Variants in STK32A observed in about 807,000 individuals in gnomAD.
STK32A encodes serine/threonine kinase 32A.
Under a neutral mutation model 53.2 loss-of-function variants are expected in STK32A, and 41 were observed. That is an observed-to-expected ratio of 0.77 (90% CI 0.60 to 1.00). The LOEUF (loss-of-function observed/expected upper bound fraction) is 1.00. Ranked by LOEUF, STK32A falls within the 50% of genes least tolerant of loss-of-function variation. STK32A has a pLI of 0.00. For synonymous variants in STK32A, 166 were observed against 162.8 expected (o/e 1.02, Z -0.15); for missense variants, 458 against 485.8 (o/e 0.94, Z 0.54).
intron 2 of STK32A, among the ~76,000 whole-genome samples, chr5:147,260,832 A>G (rs1431841198): frequency 1.3e-5 from 2 of 152,220 alleles, no homozygotes; most frequent in East Asian, 1.9e-4. Context: ...TCCGTCCAGC[A>G]GTAGGATGTC....
chr5:147,249,259 C>A (rs893631285), intron 2 of STK32A, among the ~76,000 whole-genome samples: 1 of 151,752 alleles, frequency 6.6e-6, no homozygotes, highest in Non-Finnish European at 1.5e-5. Flanking sequence ...CCTCTCTGAT[C>A]CCCCATTTTC....
chr5:147,311,387 C>T (rs933386032), intron 4 of STK32A, among the ~76,000 whole-genome samples: 1 of 152,114 alleles, frequency 6.6e-6, no homozygotes. Context: ...GTAAAATGAC[C>T]ATCGAATGAA....
At chr5:147,277,945 A>G (rs899572940) in intron 2 of STK32A, among the ~76,000 whole-genome samples, 179 bp from the exon 3 acceptor site, 22 of 152,202 alleles carry the variant, frequency 1.4e-4, no homozygotes, top group Admixed American at 1.0e-3. Flanking sequence ...ACTAAGCACT[A>G]GGATTAATAC....
chr5:147,382,991 G>A, intron 11 of STK32A: 1 of 159,240 alleles, frequency 6.3e-6, no homozygotes, highest in South Asian at 1.9e-4. Context: ...GGAGAACACA[G>A]TTCTTGCTTT....
intron 4 of STK32A, among the ~76,000 whole-genome samples, chr5:147,282,227 G>T (rs1166470086): frequency 1.3e-5 from 2 of 152,054 alleles, no homozygotes; most frequent in African/African-American, 4.8e-5. Context: ...AAAAAAATCT[G>T]CAGGACCCAG....
At chr5:147,347,844 G>A (rs898799184) in intron 6 of STK32A, among the ~76,000 whole-genome samples, 5 of 152,158 alleles carry the variant, frequency 3.3e-5, no homozygotes, top group African/African-American at 9.7e-5. Context: ...GCTGTAGCCG[G>A]ACCTGGGACT....
intron 11 of STK32A, among the ~76,000 whole-genome samples, chr5:147,382,094 A>G (rs999781964): frequency 6.6e-6 from 1 of 152,186 alleles, no homozygotes; most frequent in Admixed American, 6.5e-5. Flanking sequence ...CAAGCTTGCT[A>G]TAGGCTCTGT....
chr5:147,318,698 C>T (rs552888235), intron 4 of STK32A, among the ~76,000 whole-genome samples: 2 of 151,288 alleles, frequency 1.3e-5, no homozygotes, highest in South Asian at 4.2e-4. Flanking sequence ...ATCATTTGAA[C>T]CTGGGATGTC....
chr5:147,269,456 C>T (rs1478813964), intron 2 of STK32A, among the ~76,000 whole-genome samples: 1 of 152,196 alleles, frequency 6.6e-6, no homozygotes, highest in Non-Finnish European at 1.5e-5. Context: ...ATGAAATCCT[C>T]TCTGGACTGG....
At chr5:147,314,729 G>T (rs1305306539) in intron 4 of STK32A, among the ~76,000 whole-genome samples, 2 of 142,470 alleles carry the variant, frequency 1.4e-5, no homozygotes, top group African/African-American at 5.3e-5. Context: ...CATACCTATT[G>T]CTTTCTTTTT....
chr5:147,361,904 G>C (rs956016705), intron 8 of STK32A, among the ~76,000 whole-genome samples: 4 of 152,154 alleles, frequency 2.6e-5, no homozygotes, highest in African/African-American at 9.7e-5. Flanking sequence ...TAAATATCTT[G>C]TGTAAATATC....
intron 8 of STK32A, among the ~76,000 whole-genome samples, chr5:147,369,163 C>G (rs768432373): frequency 1.3e-5 from 2 of 152,028 alleles, no homozygotes; most frequent in Admixed American, 6.6e-5. Context: ...TATGATATAG[C>G]TATGGTCCTT....
intron 2 of STK32A, among the ~76,000 whole-genome samples, chr5:147,267,650 T>A (rs1053730213): frequency 2.0e-5 from 3 of 152,172 alleles, no homozygotes; most frequent in African/African-American, 4.8e-5. Flanking sequence ...AGAAGTTCTA[T>A]CATTAATCAT....
In STK32A at chr5:147,355,348, G is replaced by A. The variant is rs1439301206; in HGVS notation, c.562+4194G>A. On this transcript the variant is annotated intron_variant, in intron 7 of 12. Transcript: ENST00000397936. ...CTTCTCTCTTCTCCTTTGTCTGTAT[G>A]AATATAATCCAGATTACTTAGAGTT... Among the ~76,000 whole-genome samples the A allele has an allele frequency of 2.6e-5, 4 of 151,986 alleles. No individual in the cohort carries two copies. In the East Asian group the frequency reaches 7.7e-4, roughly 29 times the overall value.
chr5:147,292,547 T>C (rs1752645795), intron 4 of STK32A, among the ~76,000 whole-genome samples: 1 of 152,120 alleles, frequency 6.6e-6, no homozygotes, highest in Admixed American at 6.6e-5. Flanking sequence ...GAATCAGCAA[T>C]GTTCCAAACA....
At chr5:147,401,043 A>C in the STK32A span, among the ~76,000 whole-genome samples, 2 of 152,214 alleles carry the variant, frequency 1.3e-5, no homozygotes, top group Non-Finnish European at 2.9e-5. Context: ...GGGTGGGATT[A>C]GCTCATCTCT....
At chr5:147,381,639 T>C (rs1313151977) in intron 11 of STK32A, among the ~76,000 whole-genome samples, 1 of 139,616 alleles carries the variant, frequency 7.2e-6, no homozygotes, top group Non-Finnish European at 1.5e-5. Flanking sequence ...CAAAAGTCTG[T>C]CAGAAAAAAA....
At chr5:147,313,689 A>G (rs920022685) in intron 4 of STK32A, among the ~76,000 whole-genome samples, 1 of 152,212 alleles carries the variant, frequency 6.6e-6, no homozygotes, top group African/African-American at 2.4e-5. Context: ...GTTGTTATGA[A>G]GCTACAATAA....
At position 147,328,255 on chromosome 5, in the gene STK32A, T is replaced by TTTG. The variant is rs34118018; in HGVS notation, c.434+4186_434+4187insGTT. The stretch of plus-strand genomic sequence containing the variant: ...GAAGGGGGTCTTTTTAAAATTTTGT[T>TTTG]TTCACTTCAGCTTTTCTGCCAGAAA... On this transcript the variant is annotated intron_variant, in intron 5 of 12. Transcript: ENST00000397936. Among the ~76,000 whole-genome samples, 2,048 of 152,268 alleles carry TTTG rather than the reference T, an allele frequency of 0.013. 136 individuals are homozygous for TTTG. In the East Asian group the frequency reaches 0.2, roughly 15 times the overall value.
Sources: allele counts gnomAD v4.1 joint callset (sites outside exome capture counted in the v4.1 genomes callset), GRCh38; gene constraint gnomAD v4.1.1; transcripts MANE v1.5; gene names NCBI Gene and HGNC (gene_info 2026-07-23, HGNC 2026-07-21).